The following REEP3 variants were observed in gnomAD, a reference collection of about 807,000 sequenced individuals.
The protein encoded by REEP3 is receptor accessory protein 3.
REEP3 carries 20 observed loss-of-function variants against 41.3 expected under a neutral mutation model. The observed-to-expected ratio is 0.48, with a 90% CI of 0.34 to 0.70. The LOEUF is 0.70. Among genes scored for constraint, REEP3 ranks in the 30% least tolerant of loss-of-function variants. REEP3 has a pLI of 0.01. For missense variants in REEP3, 271 were observed against 308.8 expected, an observed-to-expected ratio of 0.88 and a Z score of 0.92; for synonymous variants, 104 against 101.8, an observed-to-expected ratio of 1.02 and a Z score of -0.13.
At chr10:63,563,286 C>T (rs1955761103) in intron 1 of REEP3, among the ~76,000 whole-genome samples, 3 of 152,174 alleles carry the variant, frequency 2.0e-5, no homozygotes, top group Admixed American at 6.5e-5. Flanking sequence ...TATTGATTAA[C>T]ATATAAAATA....
chr10:63,552,343 G>A (rs1017563403), intron 1 of REEP3, among the ~76,000 whole-genome samples: 21 of 152,052 alleles, frequency 1.4e-4, no homozygotes, highest in African/African-American at 2.4e-4. Flanking sequence ...TTCAGGAGGC[G>A]GAGCCTGCAG....
At chr10:63,594,411 T>C (rs7073290) in intron 2 of REEP3, among the ~76,000 whole-genome samples, 1 of 152,132 alleles carries the variant, frequency 6.6e-6, no homozygotes, top group African/African-American at 2.4e-5. Context: ...TAACTTATAG[T>C]CTTCATAAAG....
chr10:63,623,085 A>C lies in REEP3; in HGVS notation c.*2216A>C, dbSNP rs1956367917. 6.6e-6 allele frequency: 1 copy of C among 152,280 alleles called. No homozygotes were observed. The highest frequency in any genetic ancestry group is 2.1e-4 in the South Asian group (1 of 4,810). The allele number at this position is 152,280 out of a possible 1,614,324, so 9.4% of individuals were successfully genotyped here. ...TCATATTACTGTTCTAAATTGAAGA[A>C]ATTATTTATTACTCTGTACTTCTAG... On this transcript the variant is annotated 3_prime_UTR_variant, in exon 8 of 8. Transcript: ENST00000373758.
intron 6 of REEP3, 78 bp downstream of exon 6, chr10:63,610,412 G>A: frequency 2.2e-6 from 3 of 1,383,440 alleles, no homozygotes; most frequent in Non-Finnish European, 2.0e-6. Context: ...GGCCTGTCGG[G>A]GGGTGGGGCA....
At chr10:63,542,848 A>G (rs1269789346) in intron 1 of REEP3, among the ~76,000 whole-genome samples, 1 of 152,212 alleles carries the variant, frequency 6.6e-6, no homozygotes, top group Non-Finnish European at 1.5e-5. Context: ...TAATTCTAAC[A>G]TGTCTAACTT....
chr10:63,602,004 A>C (rs1195013103), intron 5 of REEP3, among the ~76,000 whole-genome samples: 5 of 152,016 alleles, frequency 3.3e-5, no homozygotes, highest in Non-Finnish European at 7.4e-5. Flanking sequence ...ACCAGATGAC[A>C]CATTGGCTGT....
chr10:63,578,491 G>A (rs527629610), intron 2 of REEP3, among the ~76,000 whole-genome samples: 1 of 152,226 alleles, frequency 6.6e-6, no homozygotes, highest in East Asian at 1.9e-4. Flanking sequence ...GTAATATATG[G>A]CCGGGCATGG....
chr10:63,561,085 C>T (rs1955735555), intron 1 of REEP3, among the ~76,000 whole-genome samples: 2 of 152,088 alleles, frequency 1.3e-5, no homozygotes, highest in Admixed American at 1.3e-4. Context: ...TAAGGGTATT[C>T]TGTTTATTTG....
chr10:63,610,497 GC>G, intron 6 of REEP3, among the ~76,000 whole-genome samples, 163 bp downstream of exon 6: 1 of 152,210 alleles, frequency 6.6e-6, no homozygotes, highest in Non-Finnish European at 1.5e-5. Flanking sequence ...GTTGGTAGAT[GC>G]AGCAAACCAC....
chr10:63,608,725 G>C (rs778843023), intron 5 of REEP3, among the ~76,000 whole-genome samples: 2 of 151,828 alleles, frequency 1.3e-5, no homozygotes, highest in Admixed American at 6.6e-5. Context: ...CTTTTACAAA[G>C]CTTTATACTT....
intron 6 of REEP3, 106 bp from the exon 7 acceptor site, chr10:63,619,549 T>TG: frequency 1.1e-6 from 1 of 926,844 alleles, no homozygotes; most frequent in Non-Finnish European, 1.6e-6. Flanking sequence ...AAAGAGTAAC[T>TG]GGGGGAAATG....
intron 2 of REEP3, among the ~76,000 whole-genome samples, chr10:63,569,140 T>C (rs1221532731): frequency 6.6e-6 from 1 of 152,234 alleles, no homozygotes; most frequent in Non-Finnish European, 1.5e-5. Flanking sequence ...TTAATTGGAA[T>C]TCTCTTTTGA....
In REEP3 at chr10:63,568,090, A is replaced by G. The variant is rs79466228; in HGVS notation, c.105+1680A>G. 6.4e-3 allele frequency among the ~76,000 whole-genome samples: 957 copies of G among 149,618 alleles called. 3 individuals are homozygous for G. The highest frequency in any genetic ancestry group is 0.011 in the Admixed American group (172 of 15,226). ...TCCTGGTAATTTAAATTCATTTTAT[A>G]CATGGCTTGAAGGTTCATATTCTAA... is the stretch of plus-strand genomic sequence containing the variant. On this transcript the variant is annotated intron_variant, in intron 2 of 7. Transcript: ENST00000373758.
intron 1 of REEP3, among the ~76,000 whole-genome samples, chr10:63,537,216 T>G (rs2133346777): frequency 6.6e-6 from 1 of 152,310 alleles, no homozygotes; most frequent in East Asian, 1.9e-4. Flanking sequence ...TTAGGAAAGT[T>G]ATAGTGTTTG....
Position 63,621,434 on chromosome 10 carries a change from A to G in REEP3, c.*565A>G, listed in dbSNP as rs1956352569. On this transcript the variant is annotated 3_prime_UTR_variant, in exon 8 of 8. Coordinates refer to ENST00000373758, the MANE Select transcript of REEP3 (RefSeq NM_001001330.3). ...TGAAAACCAGGTATCCACACATAGC[A>G]CTTTTATTCCTGACTAGTTTTGCAC... 6.6e-6 allele frequency: 1 copy of G among 152,622 alleles called. No individual in the cohort carries two copies. Among genetic ancestry groups the G allele is most frequent in the Non-Finnish European group, 1.5e-5 (1 of 68,022 alleles). The allele number at this position is 152,622 out of a possible 1,614,324, so 9.5% of individuals were successfully genotyped here.
At chr10:63,599,965 A>C (rs1008703670) in intron 5 of REEP3, among the ~76,000 whole-genome samples, 3 of 152,196 alleles carry the variant, frequency 2.0e-5, no homozygotes, top group African/African-American at 7.2e-5. Flanking sequence ...TAGTTGCTTC[A>C]TGTATAAAAT....
At chr10:63,616,245 A>T (rs1046282496) in intron 6 of REEP3, among the ~76,000 whole-genome samples, 1 of 152,052 alleles carries the variant, frequency 6.6e-6, no homozygotes, top group African/African-American at 2.4e-5. Flanking sequence ...CTTCTCTCAT[A>T]ACCCACCCTT....
Position 63,540,075 on chromosome 10 carries a change from A to T in REEP3, c.32+18498A>T, listed in dbSNP as rs1001278992. Among the ~76,000 whole-genome samples the T allele has an allele frequency of 4.2e-4, 64 of 152,250 alleles. 1 individual carries two copies. Among genetic ancestry groups the T allele is most frequent in the Non-Finnish European group, 1.5e-4 (10 of 68,032 alleles). ...AAGAAAATTTGAGTATCTAAAAATT[A>T]TCTGAAGCTTAACAGTAAGCAACAT... On this transcript the variant is annotated intron_variant, in intron 1 of 7. Coordinates refer to ENST00000373758, the MANE Select transcript of REEP3 (RefSeq NM_001001330.3).
At chr10:63,573,678 A>G (rs1300991273) in intron 2 of REEP3, among the ~76,000 whole-genome samples, 2 of 152,234 alleles carry the variant, frequency 1.3e-5, no homozygotes, top group African/African-American at 4.8e-5. Context: ...GAAAATGAAC[A>G]AATATACCAC....
Sources: gnomAD v4.1 joint callset for allele counts (sites outside exome capture counted in the v4.1 genomes callset) on GRCh38, gnomAD v4.1.1 for gene constraint, MANE v1.5 for transcripts, NCBI Gene and HGNC (gene_info 2026-07-23, HGNC 2026-07-21) for gene names.